The following PARG variants were observed in gnomAD, a reference collection of about 807,000 sequenced individuals.
PARG encodes poly(ADP-ribose) glycohydrolase.
A neutral mutation model predicts 113.0 loss-of-function variants in PARG; 35 were observed. The observed-to-expected ratio is 0.31, with a 90% CI of 0.24 to 0.41. The LOEUF is 0.41. Among genes scored for constraint, PARG ranks in the 10% least tolerant of loss-of-function variants. The pLI, the probability that PARG is intolerant of heterozygous loss-of-function variation, is 1.00. For missense variants in PARG, 797 were observed against 1,169.4 expected (o/e 0.68, Z 4.64); for synonymous variants, 330 against 409.9 (o/e 0.81, Z 2.36).
At chr10:49,909,460 A>AACAAGTG (rs1837043131) in intron 7 of PARG, among the ~76,000 whole-genome samples, 1 of 152,146 alleles carries the variant, frequency 6.6e-6, no homozygotes, top group Admixed American at 6.5e-5. Context: ...AAAAACTGTT[A>AACAAGTG]TTTTAGCTAA....
chr10:49,922,393 C>A lies in PARG; in HGVS notation c.1605G>T (p.Arg535=). ...GAAGTGCAGTCTGAATGAGCTCCCA[C>A]CGGCTCCCCGCAGTTCGCTCACCAT... ...DENGERTAGS[R]WELIQTALLN... The change falls in exon 6 of 18, where the codon CGG becomes CGT. Residue 535 remains arginine, a synonymous_variant. Coordinates refer to ENST00000616448, the MANE Select transcript of PARG (RefSeq NM_003631.5). 1 of 1,608,010 alleles carries A rather than the reference C, an allele frequency of 6.2e-7. No individual in the cohort carries two copies.
At chr10:49,870,170 G>A (rs1846725083) in intron 9 of PARG, among the ~76,000 whole-genome samples, 1 of 150,908 alleles carries the variant, frequency 6.6e-6, no homozygotes, top group African/African-American at 2.4e-5. Flanking sequence ...CTGTGAGCAG[G>A]TAGTAACAGT....
At chr10:49,891,780 C>T (rs1275258382) in intron 7 of PARG, among the ~76,000 whole-genome samples, 1 of 150,944 alleles carries the variant, frequency 6.6e-6, no homozygotes, top group African/African-American at 2.4e-5. Context: ...CAGGCACACA[C>T]CACCACACCT....
chr10:49,821,261 A>C (rs558584945), intron 16 of PARG, among the ~76,000 whole-genome samples: 1 of 152,366 alleles, frequency 6.6e-6, no homozygotes, highest in East Asian at 1.9e-4. Context: ...TTACAATCTC[A>C]ATAGATAGGA....
At chr10:49,884,181 C>G (rs1847350063) in intron 8 of PARG, among the ~76,000 whole-genome samples, 1 of 151,842 alleles carries the variant, frequency 6.6e-6, no homozygotes, top group African/African-American at 2.4e-5. Context: ...AGCTAATCTG[C>G]TCCCAAAGTC....
chr10:49,928,652 G>A (rs185675139), intron 4 of PARG, among the ~76,000 whole-genome samples: 1 of 152,296 alleles, frequency 6.6e-6, no homozygotes, highest in African/African-American at 2.4e-5. Context: ...CTACAGGCAT[G>A]TGCCACCATG....
chr10:49,883,049 C>T (rs1397046914), intron 8 of PARG, among the ~76,000 whole-genome samples: 1 of 151,750 alleles, frequency 6.6e-6, no homozygotes, highest in African/African-American at 2.4e-5. Flanking sequence ...ATATATTTCC[C>T]CTGCCCAATA....
chr10:49,886,511 A>T (rs1469214415), intron 7 of PARG, among the ~76,000 whole-genome samples: 1 of 152,248 alleles, frequency 6.6e-6, no homozygotes, highest in Non-Finnish European at 1.5e-5. Context: ...CAGAATGAAG[A>T]GAAGGATATT....
chr10:49,938,464 C>A (rs1463873861), intron 1 of PARG, among the ~76,000 whole-genome samples: 1 of 152,206 alleles, frequency 6.6e-6, no homozygotes, highest in Non-Finnish European at 1.5e-5. Context: ...CCAAAAGGCA[C>A]AAAACGCAAT....
chr10:49,911,581 G>C (rs1473790180), intron 7 of PARG, among the ~76,000 whole-genome samples: 2 of 152,226 alleles, frequency 1.3e-5, no homozygotes, highest in African/African-American at 4.8e-5. Context: ...TTTCGACTCA[G>C]TAGCACCTAA....
At chr10:49,847,344 C>G (rs1434873564) in intron 13 of PARG, among the ~76,000 whole-genome samples, 1 of 151,534 alleles carries the variant, frequency 6.6e-6, no homozygotes, top group Non-Finnish European at 1.5e-5. Context: ...GTGGAGGAAC[C>G]TGGTCAACCC....
At chr10:49,920,638 A>G (rs1156262791) in intron 6 of PARG, among the ~76,000 whole-genome samples, 1 of 148,534 alleles carries the variant, frequency 6.7e-6, no homozygotes, top group Non-Finnish European at 1.5e-5. Flanking sequence ...ATGTATATAT[A>G]TACACATATA....
intron 7 of PARG, among the ~76,000 whole-genome samples, chr10:49,900,280 C>A (rs1372764310): frequency 2.0e-5 from 3 of 152,000 alleles, no homozygotes; most frequent in East Asian, 2.0e-4. Context: ...AGTGACAGAA[C>A]TCTGCATTAG....
At chr10:49,823,122 TATAAG>T (rs1411278699) in intron 16 of PARG, among the ~76,000 whole-genome samples, 18 of 152,280 alleles carry the variant, frequency 1.2e-4, no homozygotes, top group African/African-American at 4.1e-4. Context: ...AATGTGTTTA[TATAAG>T]ATAATATTTT....
chr10:49,888,396 C>G (rs1476900410), intron 7 of PARG, among the ~76,000 whole-genome samples: 1 of 151,884 alleles, frequency 6.6e-6, no homozygotes, highest in Admixed American at 6.6e-5. Flanking sequence ...TTTCTTTAGA[C>G]ATTACTTTAT....
At chr10:49,869,768 A>T (rs1286255395) in intron 9 of PARG, among the ~76,000 whole-genome samples, 23 of 151,264 alleles carry the variant, frequency 1.5e-4, no homozygotes, top group African/African-American at 5.4e-4. Flanking sequence ...AAGCTGCTCA[A>T]ATCAGACATC....
At chr10:49,901,322 C>T (rs1485913402) in intron 7 of PARG, among the ~76,000 whole-genome samples, 10 of 151,712 alleles carry the variant, frequency 6.6e-5, no homozygotes, top group African/African-American at 1.2e-4. Context: ...CCATCTTGCC[C>T]GGGCTGGTCT....
chr10:49,823,785 G>C, intron 16 of PARG, among the ~76,000 whole-genome samples: 1 of 151,734 alleles, frequency 6.6e-6, no homozygotes, highest in East Asian at 1.9e-4. Context: ...TTTCCTACTA[G>C]ATCTCTAGTC....
In PARG at chr10:49,941,714, G is replaced by A. The variant is rs1377309487; in HGVS notation, c.12C>T (p.Gly4=). 1.1e-5 allele frequency: 18 copies of A among 1,578,276 alleles called. No homozygotes were observed. The South Asian group carries it at 2.1e-4, about 18-fold the overall frequency. Reference sequence around the variant, plus strand: ...GCTTGGTGCAGGGTTCACAGCCGGGGCCCGCATTCATGCTGGGACCAGCAG... The same window carrying A: ...GCTTGGTGCAGGGTTCACAGCCGGGACCCGCATTCATGCTGGGACCAGCAG... MNA[G]PGCEPCTKRP... is the part of the protein sequence containing the mutation. Residue 4 remains glycine (G), a synonymous_variant, in exon 1 of 18, where the codon GGC becomes GGT. Transcript: ENST00000616448.
Sources: gnomAD v4.1 joint callset for allele counts (sites outside exome capture counted in the v4.1 genomes callset) on GRCh38, gnomAD v4.1.1 for gene constraint, MANE v1.5 for transcripts, NCBI Gene and HGNC (gene_info 2026-07-23, HGNC 2026-07-21) for gene names.